The following NEGR1 variants were observed in gnomAD, a reference collection of about 807,000 sequenced individuals.
NEGR1 encodes neuronal growth regulator 1.
In NEGR1, 10 loss-of-function variants were observed where a neutral mutation model predicts 40.9. The observed-to-expected ratio is 0.24, with a 90% confidence interval of 0.15 to 0.42. The LOEUF (loss-of-function observed/expected upper bound fraction) is 0.42. Among genes scored for constraint, NEGR1 ranks in the 10% least tolerant of loss-of-function variants. The pLI is 1.00. For missense variants in NEGR1, 352 were observed against 438.9 expected, an observed-to-expected ratio of 0.80 and a Z score of 1.77; for synonymous variants, 185 against 166.8, an observed-to-expected ratio of 1.11 and a Z score of -0.84.
At chr1:72,223,513 T>C (rs1028589710) in intron 1 of NEGR1, among the ~76,000 whole-genome samples, 3 of 152,224 alleles carry the variant, frequency 2.0e-5, no homozygotes, top group African/African-American at 7.2e-5. Context: ...ACATGAAGCA[T>C]TCTTGAAGTA....
intron 5 of NEGR1, among the ~76,000 whole-genome samples, chr1:71,609,920 AGT>A (rs1650199572): frequency 6.6e-6 from 1 of 152,162 alleles, no homozygotes; most frequent in African/African-American, 2.4e-5. Flanking sequence ...CGTGATAGTG[AGT>A]GAGTTCTCAC....
At chr1:71,931,863 C>A (rs1645858328) in intron 2 of NEGR1, among the ~76,000 whole-genome samples, 1 of 152,118 alleles carries the variant, frequency 6.6e-6, no homozygotes, top group South Asian at 2.1e-4. Context: ...CATAACAAGT[C>A]CTCCAGCCTC....
intron 4 of NEGR1, among the ~76,000 whole-genome samples, chr1:71,649,667 T>C (rs1169607015): frequency 6.6e-6 from 1 of 152,158 alleles, no homozygotes; most frequent in Non-Finnish European, 1.5e-5. Flanking sequence ...CTCTTTATTC[T>C]GTAATTTGTA....
chr1:72,013,970 A>AAT (rs1289408988), intron 1 of NEGR1, among the ~76,000 whole-genome samples: 11 of 93,746 alleles, frequency 1.2e-4, no homozygotes, highest in African/African-American at 3.5e-4. Context: ...AAATAAAAAA[A>AAT]AAAAAAAAAA....
At chr1:71,669,158 TCTTAG>T (rs1245397810) in intron 4 of NEGR1, among the ~76,000 whole-genome samples, 2 of 152,176 alleles carry the variant, frequency 1.3e-5, no homozygotes, top group African/African-American at 2.4e-5. Flanking sequence ...TCATAATGCT[TCTTAG>T]CTTAAAGTCT....
At position 71,941,012 on chromosome 1, in the gene NEGR1, A is replaced by G. The variant is rs1001620659; in HGVS notation, c.177-5701T>C. 2.6e-5 allele frequency among the ~76,000 whole-genome samples: 4 copies of G among 152,304 alleles called. 1 individual carries two copies. The highest frequency in any genetic ancestry group is 2.6e-4 in the Admixed American group (4 of 15,296). On this transcript the variant is annotated intron_variant, in intron 1 of 6. Coordinates refer to ENST00000357731, the MANE Select transcript of NEGR1 (RefSeq NM_173808.3). ...GACATTTTGATTAATGAAAGCTCCT[A>G]TTAAAGGCACCAATTAATAAAAAAT...
chr1:71,590,542 T>TA (rs1370371181), intron 6 of NEGR1, among the ~76,000 whole-genome samples: 2 of 152,168 alleles, frequency 1.3e-5, no homozygotes, highest in East Asian at 3.9e-4. Flanking sequence ...GCATTGTAGA[T>TA]AAAAGCTTAG....
chr1:72,179,268 C>T (rs182668342), intron 1 of NEGR1, among the ~76,000 whole-genome samples: 30 of 151,904 alleles, frequency 2.0e-4, no homozygotes, highest in African/African-American at 6.3e-4. Context: ...GTGTCCTTTC[C>T]CCATTGCTTT....
chr1:71,581,693 A>G (rs1176418170), intron 6 of NEGR1, among the ~76,000 whole-genome samples: 1 of 112,682 alleles, frequency 8.9e-6, no homozygotes, highest in Admixed American at 1.2e-4. Flanking sequence ...GTCTCATTAT[A>G]CACAATTTTT....
At chr1:72,263,482 A>G (rs910138768) in intron 1 of NEGR1, among the ~76,000 whole-genome samples, 2 of 151,664 alleles carry the variant, frequency 1.3e-5, no homozygotes, top group African/African-American at 4.8e-5. Flanking sequence ...AGAGTGATCA[A>G]AGAGCTCTAT....
At chr1:72,141,409 A>G (rs772050123) in intron 1 of NEGR1, among the ~76,000 whole-genome samples, 5 of 152,092 alleles carry the variant, frequency 3.3e-5, no homozygotes, top group Non-Finnish European at 7.4e-5. Context: ...AAATACCAAA[A>G]TCATACATTC....
At chr1:71,926,300 T>C (rs976090174) in intron 2 of NEGR1, among the ~76,000 whole-genome samples, 3 of 151,824 alleles carry the variant, frequency 2.0e-5, no homozygotes, top group African/African-American at 7.3e-5. Flanking sequence ...TATTCCCAGA[T>C]ATGTTTTTAT....
At chr1:71,547,419 G>A (rs935908660) in intron 6 of NEGR1, among the ~76,000 whole-genome samples, 2 of 151,746 alleles carry the variant, frequency 1.3e-5, no homozygotes, top group Admixed American at 1.3e-4. Context: ...GGGATAGGCT[G>A]TTTCTGCTCA....
rs539962675 is a variant in NEGR1 at position 71,488,268 on chromosome 1, T to C, written c.941-80698A>G. On this transcript the variant is annotated intron_variant, in intron 6 of 6. Transcript: ENST00000357731. ...GATGGACTTCCTAAATTATCCAGCT[T>C]CTTTATATTGGCCAAAGTAGTAGTT... is the stretch of plus-strand genomic sequence containing the variant. The C allele has an allele frequency of 2.6e-5, 4 of 151,932 alleles. No individual in the cohort carries two copies. The East Asian group carries it at 7.8e-4, about 30-fold the overall frequency. 9.4% of individuals were successfully genotyped at this position (151,932 alleles called of 1,614,324 possible).
chr1:72,066,512 C>T (rs1647275640), intron 1 of NEGR1, among the ~76,000 whole-genome samples: 1 of 152,018 alleles, frequency 6.6e-6, no homozygotes, highest in Admixed American at 6.6e-5. Flanking sequence ...AAGCCGTGAC[C>T]CTCAATGTGA....
chr1:72,104,268 C>T (rs897681916), intron 1 of NEGR1, among the ~76,000 whole-genome samples: 6 of 152,200 alleles, frequency 3.9e-5, no homozygotes, highest in African/African-American at 1.4e-4. Flanking sequence ...GGTTGTGATA[C>T]TGGGAGATAA....
At chr1:71,921,658 G>T (rs1265240999) in intron 2 of NEGR1, among the ~76,000 whole-genome samples, 1 of 133,962 alleles carries the variant, frequency 7.5e-6, no homozygotes, top group Admixed American at 7.5e-5. Context: ...TACAGTATAA[G>T]AATATATATA....
In NEGR1 at chr1:71,478,449, A is replaced by G. The variant is rs1218620157; in HGVS notation, c.941-70879T>C. Reference sequence around the variant, plus strand: ...TACAAAACAACATTTTTTGTAGTTGATAGGTTAAGACCTTGAAAAGGATTT... The same window carrying G: ...TACAAAACAACATTTTTTGTAGTTGGTAGGTTAAGACCTTGAAAAGGATTT... On this transcript the variant is annotated intron_variant, in intron 6 of 6. Transcript: ENST00000357731. Among the ~76,000 whole-genome samples the G allele has an allele frequency of 2.6e-5, 4 of 152,006 alleles. No individual in the cohort carries two copies. In the East Asian group the frequency reaches 7.8e-4, roughly 29 times the overall value.
At chr1:71,675,131 A>ACACG (rs1652581204) in intron 4 of NEGR1, among the ~76,000 whole-genome samples, 1 of 140,858 alleles carries the variant, frequency 7.1e-6, no homozygotes, top group African/African-American at 2.5e-5. Flanking sequence ...ATATATACAC[A>ACACG]CACACATATG....
Sources: allele counts gnomAD v4.1 joint callset (sites outside exome capture counted in the v4.1 genomes callset), GRCh38; gene constraint gnomAD v4.1.1; transcripts MANE v1.5; gene names NCBI Gene and HGNC (gene_info 2026-07-23, HGNC 2026-07-21).